SUGCT: variants seen among roughly 807,000 people sequenced by gnomAD.
The protein encoded by SUGCT is succinyl-CoA:glutarate-CoA transferase, also known as succinyl-CoA:glutarate CoA-transferase.
A neutral mutation model predicts 55.0 loss-of-function variants in SUGCT; 41 were observed. The observed-to-expected ratio is 0.74, with a 90% CI of 0.58 to 0.97. The LOEUF (loss-of-function observed/expected upper bound fraction) is 0.97. Ranked by LOEUF, SUGCT falls within the 50% of genes least tolerant of loss-of-function variation. The probability of loss-of-function intolerance (pLI) is 0.00; values close to 1 mark genes in which losing one functional copy is unlikely to be tolerated. For synonymous variants in SUGCT, 187 were observed against 200.4 expected, an observed-to-expected ratio of 0.93 and a Z score of 0.56; for missense variants, 568 against 547.8, an observed-to-expected ratio of 1.04 and a Z score of -0.37.
intron 11 of SUGCT, among the ~76,000 whole-genome samples, chr7:40,479,187 A>G (rs568806019): frequency 6.6e-5 from 10 of 152,300 alleles, no homozygotes; most frequent in African/African-American, 2.4e-4. Flanking sequence ...TGCTGAAATG[A>G]ACATGAGAGT....
At chr7:40,892,864 G>A in the SUGCT span, among the ~76,000 whole-genome samples, 1 of 152,150 alleles carries the variant, frequency 6.6e-6, no homozygotes, top group East Asian at 1.9e-4. Context: ...AATGTAACTT[G>A]ACAGAATGGC....
intron 12 of SUGCT, among the ~76,000 whole-genome samples, chr7:40,622,539 T>G (rs1413748191): frequency 1.3e-5 from 2 of 149,712 alleles, no homozygotes; most frequent in African/African-American, 4.9e-5. Context: ...TTTTTTTTTT[T>G]TTTTTTTTTT....
At chr7:40,822,772 G>A (rs533590803) in intron 13 of SUGCT, among the ~76,000 whole-genome samples, 28 of 152,194 alleles carry the variant, frequency 1.8e-4, no homozygotes, top group Non-Finnish European at 3.2e-4. Flanking sequence ...ATTGTTGAAC[G>A]TGGAGAAATC....
At chr7:40,320,418 G>A (rs1795665166) in intron 9 of SUGCT, among the ~76,000 whole-genome samples, 1 of 152,114 alleles carries the variant, frequency 6.6e-6, no homozygotes, top group Non-Finnish European at 1.5e-5. Flanking sequence ...GCATAGATAT[G>A]TTTCCCAGCC....
At chr7:40,164,741 C>T (rs1370275335) in intron 1 of SUGCT, among the ~76,000 whole-genome samples, 2 of 152,126 alleles carry the variant, frequency 1.3e-5, no homozygotes, top group East Asian at 3.8e-4. Flanking sequence ...GATGATGAGA[C>T]AATAATTAAT....
the SUGCT span, among the ~76,000 whole-genome samples, chr7:41,000,775 G>C: frequency 6.6e-6 from 1 of 152,068 alleles, no homozygotes; most frequent in African/African-American, 2.4e-5. Flanking sequence ...TTCATGGACC[G>C]GAGAAAAGAT....
At chr7:40,219,661 G>GT (rs1787913663) in intron 6 of SUGCT, among the ~76,000 whole-genome samples, 1 of 152,144 alleles carries the variant, frequency 6.6e-6, no homozygotes, top group Admixed American at 6.6e-5. Context: ...AATCACGGGG[G>GT]TAGGGGTGGT....
rs528365429 is a variant in SUGCT at position 40,203,581 on chromosome 7, C to G, written c.484+8521C>G. The stretch of plus-strand genomic sequence containing the variant: ...CTTGAGGTCAGGAGTTTGAGACCTG[C>G]CTGGCTAACACGGTGAAACCCCGTC... On this transcript the variant is annotated intron_variant, in intron 6 of 13. Coordinates refer to ENST00000335693, the MANE Select transcript of SUGCT (RefSeq NM_001193313.2). Among the ~76,000 whole-genome samples, 5 of 152,070 alleles carry G rather than the reference C, an allele frequency of 3.3e-5. No homozygotes were observed. In the East Asian group the frequency reaches 9.7e-4, roughly 29 times the overall value.
the SUGCT span, among the ~76,000 whole-genome samples, chr7:40,963,736 C>A: frequency 1.6e-5 from 1 of 62,728 alleles, no homozygotes; most frequent in Admixed American, 1.9e-4. Context: ...TGTATTCATT[C>A]TCTTCGTTGT....
intron 13 of SUGCT, among the ~76,000 whole-genome samples, chr7:40,751,069 G>A (rs1357676435): frequency 1.3e-5 from 2 of 152,212 alleles, no homozygotes; most frequent in African/African-American, 2.4e-5. Flanking sequence ...TGCTGTCATA[G>A]AGAATGATGG....
chr7:40,932,768 T>TG, the SUGCT span, among the ~76,000 whole-genome samples: 1 of 149,862 alleles, frequency 6.7e-6, no homozygotes, highest in African/African-American at 2.5e-5. Flanking sequence ...TTTTTTTTTT[T>TG]GCTTTCCATT....
intron 12 of SUGCT, among the ~76,000 whole-genome samples, chr7:40,599,307 G>T (rs1409509144): frequency 6.6e-6 from 1 of 152,298 alleles, no homozygotes; most frequent in Non-Finnish European, 1.5e-5. Context: ...ATTGTTCGCT[G>T]TAAATTGAAG....
At chr7:40,464,593 A>T (rs1031862619) in intron 11 of SUGCT, among the ~76,000 whole-genome samples, 1 of 152,244 alleles carries the variant, frequency 6.6e-6, no homozygotes, top group East Asian at 1.9e-4. Flanking sequence ...TAAATTTACC[A>T]TGTGGTAAAG....
At position 40,184,618 on chromosome 7, in the gene SUGCT, TA is replaced by T. The variant is rs375409478; in HGVS notation, c.226+2592del. Among the ~76,000 whole-genome samples the T allele has an allele frequency of 5.9e-4, 90 of 152,182 alleles. 2 individuals are homozygous for T. The South Asian group carries it at 0.017, about 29-fold the overall frequency. On this transcript the variant is annotated intron_variant, in intron 3 of 13. Coordinates refer to ENST00000335693, the MANE Select transcript of SUGCT (RefSeq NM_001193313.2). ...AAAGTGCTGACATTATAGGTGTGGG[TA>T]AGCCACCACACATGGCCTATGCAGC...
intron 13 of SUGCT, among the ~76,000 whole-genome samples, chr7:40,749,845 T>C (rs1223622161): frequency 6.6e-6 from 1 of 152,102 alleles, no homozygotes; most frequent in Non-Finnish European, 1.5e-5. Context: ...GTGTCGTTCA[T>C]ATGAGAATTG....
At chr7:40,449,054 C>CAGTG (rs1470803304) in intron 9 of SUGCT, among the ~76,000 whole-genome samples, 1 of 151,648 alleles carries the variant, frequency 6.6e-6, no homozygotes, top group Non-Finnish European at 1.5e-5. Flanking sequence ...ATACAATAGC[C>CAGTG]ACTAGCCACA....
intron 12 of SUGCT, among the ~76,000 whole-genome samples, chr7:40,743,741 G>A (rs1286313675): frequency 2.0e-5 from 3 of 152,142 alleles, no homozygotes; most frequent in Admixed American, 6.6e-5. Flanking sequence ...TGAAGCCAGA[G>A]TTTGAACCCA....
intron 9 of SUGCT, among the ~76,000 whole-genome samples, chr7:40,381,204 C>T (rs549057245): frequency 6.6e-6 from 1 of 151,788 alleles, no homozygotes; most frequent in Non-Finnish European, 1.5e-5. Context: ...TAAGTATTCC[C>T]CTGAATATGG....
At chr7:40,549,610 C>G (rs1161105821) in intron 12 of SUGCT, among the ~76,000 whole-genome samples, 2 of 151,952 alleles carry the variant, frequency 1.3e-5, no homozygotes, top group Admixed American at 6.6e-5. Context: ...AGGGCAAGAA[C>G]AGTTATTATG....
Sources: allele counts gnomAD v4.1 joint callset (sites outside exome capture counted in the v4.1 genomes callset), GRCh38; gene constraint gnomAD v4.1.1; transcripts MANE v1.5; gene names NCBI Gene and HGNC (gene_info 2026-07-23, HGNC 2026-07-21).